The following MIGA2 variants were observed in gnomAD, a reference collection of about 807,000 sequenced individuals.
MIGA2 encodes family with sequence similarity 73, member B.
A neutral mutation model predicts 69.9 loss-of-function variants in MIGA2; 36 were observed. That is an observed-to-expected ratio of 0.52 (90% CI 0.39 to 0.68). The LOEUF (loss-of-function observed/expected upper bound fraction) is 0.68, where lower values mean the gene tolerates loss of function less well. MIGA2 is among the 30% of genes least tolerant of loss of function. MIGA2 has a pLI of 0.00. For missense variants in MIGA2, 660 were observed against 787.7 expected, an observed-to-expected ratio of 0.84 and a Z score of 1.94; for synonymous variants, 333 against 349.2, an observed-to-expected ratio of 0.95 and a Z score of 0.52.
intron 4 of MIGA2, among the ~76,000 whole-genome samples, chr9:129,048,825 G>A (rs529791005): frequency 7.2e-5 from 11 of 152,282 alleles, no homozygotes; most frequent in South Asian, 2.1e-4. Flanking sequence ...AAGCACCTGC[G>A]TTATACCAGG....
In MIGA2 at chr9:129,042,338, T is replaced by C. The variant is rs1844955277; in HGVS notation, c.131T>C (p.Leu44Pro). The C allele has an allele frequency of 1.2e-6, 2 of 1,612,920 alleles. No individual in the cohort carries two copies. The highest frequency in any genetic ancestry group is 2.0e-4 in the Middle Eastern group (1 of 5,010). Reference sequence around the variant, plus strand: ...TCCCAGCTACGGTTGACGCCAGGCCTGCGGAAAGTCCTCTTTGCCACGGCC... The same window carrying C: ...TCCCAGCTACGGTTGACGCCAGGCCCGCGGAAAGTCCTCTTTGCCACGGCC... ...AFSQLRLTPG[L>P]RKVLFATALG... The change falls in exon 3 of 16, where the codon CTG becomes CCG. Residue 44 changes from leucine (L) to proline (P), a missense_variant. Physicochemically the swap from Leu to Pro is moderately conservative, Grantham distance 98. Coordinates refer to ENST00000684074, the MANE Select transcript of MIGA2 (RefSeq NM_001329990.2).
intron 11 of MIGA2, among the ~76,000 whole-genome samples, chr9:129,065,835 C>T (rs1564619131): frequency 1.3e-5 from 2 of 151,892 alleles, no homozygotes; most frequent in Non-Finnish European, 2.9e-5. Flanking sequence ...CCTGACTCAT[C>T]CCCTGAGGCC....
intron 3 of MIGA2, among the ~76,000 whole-genome samples, chr9:129,043,847 C>A (rs1401854181): frequency 1.3e-5 from 2 of 151,990 alleles, no homozygotes; most frequent in African/African-American, 4.8e-5. Context: ...ACAACAGGTG[C>A]GTGCCACCAA....
At position 129,068,418 on chromosome 9, in the gene MIGA2, T is replaced by C. The variant is rs750114258; in HGVS notation, c.1404+86T>C. On this transcript the variant is annotated intron_variant, in intron 13 of 15. Coordinates refer to ENST00000684074, the MANE Select transcript of MIGA2 (RefSeq NM_001329990.2). The surrounding 1 kb of genome is among the most constrained non-coding windows in gnomAD (Gnocchi z 4.1). Reference sequence around the variant, plus strand: ...GCTCCGTCCCCTCTGTCCCTAGCACTGGCACCAGGGCTGGGCCCCCACCCC... The same window carrying C: ...GCTCCGTCCCCTCTGTCCCTAGCACCGGCACCAGGGCTGGGCCCCCACCCC... The C allele has an allele frequency of 7.1e-6, 11 of 1,552,354 alleles. No individual in the cohort carries two copies. Among genetic ancestry groups the C allele is most frequent in the Non-Finnish European group, 9.6e-6 (11 of 1,150,224 alleles).
intron 11 of MIGA2, among the ~76,000 whole-genome samples, chr9:129,064,619 C>T (rs946834757): frequency 6.6e-6 from 1 of 151,908 alleles, no homozygotes; most frequent in Non-Finnish European, 1.5e-5. Flanking sequence ...CCCTCACTTG[C>T]GCCTGCTGCC....
chr9:129,059,355 G>A lies in MIGA2; in HGVS notation c.793+84G>A. 1 of 1,043,718 alleles carries A rather than the reference G, an allele frequency of 9.6e-7. No individual in the cohort carries two copies. The highest frequency in any genetic ancestry group is 1.4e-6 in the Non-Finnish European group (1 of 699,740). The allele number at this position is 1,043,718 out of a possible 1,614,324, so 64.7% of individuals were successfully genotyped here. ...GAGAAGTTGCGAGAACCGGGTCGTG[G>A]TTCTCTCAGTGCGTCCAATGAATCA... is the stretch of plus-strand genomic sequence containing the variant. On this transcript the variant is annotated intron_variant, in intron 7 of 15. Transcript: ENST00000684074. This position sits in a 1 kb window ranked among gnomAD's most constrained non-coding sequence, Gnocchi z 5.6.
chr9:129,070,185 C>T (rs1846595663), intron 15 of MIGA2, 62 bp from the exon 16 acceptor site: 2 of 1,573,172 alleles, frequency 1.3e-6, no homozygotes, highest in Non-Finnish European at 1.7e-6. Context: ...CTTCAGGTAA[C>T]CTGGGGGGCA....
chr9:129,046,886 C>G (rs1316698919), intron 3 of MIGA2, among the ~76,000 whole-genome samples: 2 of 151,966 alleles, frequency 1.3e-5, no homozygotes, highest in Non-Finnish European at 2.9e-5. Context: ...TCAAGCGATT[C>G]TCCTGCCTCA....
rs571479593 is a variant in MIGA2 at position 129,040,521 on chromosome 9, C to T, written c.-74C>T. 75 of 1,527,154 alleles carry T rather than the reference C, an allele frequency of 4.9e-5. No individual in the cohort carries two copies. In the African/African-American group the frequency reaches 9.5e-4, roughly 19 times the overall value. The allele number at this position is 1,527,154 out of a possible 1,614,324, so 94.6% of individuals were successfully genotyped here. ...GGCGTGGATGGTGCCTGGGACCCAG[C>T]TGGCAACCAGTTGAAGACGTTCTCC... On this transcript the variant is annotated 5_prime_UTR_variant, in exon 2 of 16. Transcript: ENST00000684074.
Position 129,060,147 on chromosome 9 carries a change from T to A in MIGA2, c.794-403T>A, listed in dbSNP as rs1261506261. ...AGTGGCTGTGGACTCTTTCGAGCCC[T>A]TGGTATCAATGGCTGAGTTTCAGCT... On this transcript the variant is annotated intron_variant, in intron 7 of 15. Transcript: ENST00000684074. The surrounding 1 kb of genome is among the most constrained non-coding windows in gnomAD (Gnocchi z 4.8). 6.6e-6 allele frequency among the ~76,000 whole-genome samples: 1 copy of A among 152,158 alleles called. No homozygotes were observed. Among genetic ancestry groups the A allele is most frequent in the Non-Finnish European group, 1.5e-5 (1 of 68,020 alleles).
Position 129,063,234 on chromosome 9 carries a change from C to T in MIGA2, c.1011-10C>T. On this transcript the variant is annotated splice_polypyrimidine_tract_variant and intron_variant, in intron 9 of 15. Coordinates refer to ENST00000684074, the MANE Select transcript of MIGA2 (RefSeq NM_001329990.2). The stretch of plus-strand genomic sequence containing the variant: ...ACCAGGTTGTGTGACGCCGTCTGTC[C>T]TCCCCTCAGGACGGAGCTGCTGGGC... The T allele has an allele frequency of 6.2e-7, 1 of 1,613,892 alleles. No individual in the cohort carries two copies.
At chr9:129,066,102 G>A (rs1846327005) in intron 11 of MIGA2, among the ~76,000 whole-genome samples, 1 of 152,156 alleles carries the variant, frequency 6.6e-6, no homozygotes, top group Non-Finnish European at 1.5e-5. Context: ...TCTTCACTGC[G>A]GGGAGTTCAT....
At chr9:129,052,236 T>A (rs905231521) in intron 6 of MIGA2, among the ~76,000 whole-genome samples, 5 of 151,838 alleles carry the variant, frequency 3.3e-5, no homozygotes, top group Non-Finnish European at 5.9e-5. Context: ...AGCGATTCTG[T>A]CTCAGCCTCC....
chr9:129,068,876 A>G lies in MIGA2; in HGVS notation c.1405-200A>G. Reference sequence around the variant, plus strand: ...GGCTCAGAGAAGATCCAGCAGTAAGATTAGAGTCAAGATTCAAGTTTAGGT... The same window carrying G: ...GGCTCAGAGAAGATCCAGCAGTAAGGTTAGAGTCAAGATTCAAGTTTAGGT... On this transcript the variant is annotated intron_variant, in intron 13 of 15. Coordinates refer to ENST00000684074, the MANE Select transcript of MIGA2 (RefSeq NM_001329990.2). This position sits in a 1 kb window ranked among gnomAD's most constrained non-coding sequence, Gnocchi z 4.1. The G allele has an allele frequency of 1.5e-6, 1 of 658,336 alleles. No individual in the cohort carries two copies. Among genetic ancestry groups the G allele is most frequent in the East Asian group, 2.5e-5 (1 of 39,364 alleles). 40.8% of individuals were successfully genotyped at this position (658,336 alleles called of 1,614,324 possible).
chr9:129,063,649 G>GT lies in MIGA2; in HGVS notation c.1170+18_1170+19insT. ...CTGAGAAGGTAGCAGGGGGTGGGGTGGGGGGGCAAATTATAAAATGCAAAC... is the reference window on the plus strand; with the variant it reads ...CTGAGAAGGTAGCAGGGGGTGGGGTGTGGGGGGCAAATTATAAAATGCAAAC... On this transcript the variant is annotated intron_variant, in intron 11 of 15. Transcript: ENST00000684074. The GT allele has an allele frequency of 6.9e-7, 1 of 1,445,866 alleles. No individual in the cohort carries two copies. The highest frequency in any genetic ancestry group is 9.5e-7 in the Non-Finnish European group (1 of 1,052,758). The allele number at this position is 1,445,866 out of a possible 1,614,324, so 89.6% of individuals were successfully genotyped here.
intron 11 of MIGA2, among the ~76,000 whole-genome samples, chr9:129,065,285 G>A (rs533717214): frequency 6.6e-6 from 1 of 151,904 alleles, no homozygotes; most frequent in South Asian, 2.1e-4. Flanking sequence ...GGCCAACAGA[G>A]TGAGACCCTG....
At chr9:129,041,264 G>A (rs2131339607) in intron 2 of MIGA2, among the ~76,000 whole-genome samples, 1 of 152,174 alleles carries the variant, frequency 6.6e-6, no homozygotes, top group East Asian at 1.9e-4. Context: ...CCCAGGAGGC[G>A]GAGGTTGCAA....
intron 12 of MIGA2, 70 bp downstream of exon 12, chr9:129,067,941 G>A: frequency 2.0e-6 from 3 of 1,517,310 alleles, no homozygotes; most frequent in Non-Finnish European, 9.0e-7. Context: ...GGGTTCTTGT[G>A]CCGAGCTCTA....
At chr9:129,063,512 G>A (rs1846175630) in intron 10 of MIGA2, 33 bp from the exon 11 acceptor site, 1 of 1,611,346 alleles carries the variant, frequency 6.2e-7, no homozygotes, top group Non-Finnish European at 8.5e-7. Flanking sequence ...GCCGTGCCCG[G>A]CAGCTCACTC....
Sources: allele counts gnomAD v4.1 joint callset (sites outside exome capture counted in the v4.1 genomes callset), GRCh38; gene constraint gnomAD v4.1.1; non-coding constraint Gnocchi (gnomAD v3.1); transcripts MANE v1.5; gene names NCBI Gene and HGNC (gene_info 2026-07-23, HGNC 2026-07-21).